Variants in CCT6B observed in about 807,000 individuals in gnomAD.
CCT6B encodes chaperonin containing TCP1 subunit 6B, also known as probable T-complex protein 1 subunit zeta-2.
CCT6B carries 49 observed loss-of-function variants against 61.5 expected under a neutral mutation model. The ratio of observed to expected loss-of-function variants is 0.80; its 90% CI spans 0.63 to 1.01. The LOEUF is 1.01. CCT6B is among the 50% of genes least tolerant of loss of function. The pLI is 0.00. For missense variants in CCT6B, 666 were observed against 634.7 expected, an observed-to-expected ratio of 1.05 and a Z score of -0.53; for synonymous variants, 228 against 214.5, an observed-to-expected ratio of 1.06 and a Z score of -0.55.
At chr17:34,955,316 A>G (rs1465743324) in intron 3 of CCT6B, among the ~76,000 whole-genome samples, 1 of 152,218 alleles carries the variant, frequency 6.6e-6, no homozygotes, top group Non-Finnish European at 1.5e-5. Context: ...TGCAGATTAG[A>G]TAACAGTAAT....
In CCT6B at chr17:34,958,707, A is replaced by G. The variant is rs2090376495; in HGVS notation, c.202-13T>C. 9 of 1,587,836 alleles carry G rather than the reference A, an allele frequency of 5.7e-6. No individual in the cohort carries two copies. Among genetic ancestry groups the G allele is most frequent in the Non-Finnish European group, 6.9e-6 (8 of 1,167,740 alleles). On this transcript the variant is annotated splice_polypyrimidine_tract_variant and intron_variant, in intron 2 of 13. Transcript: ENST00000314144. ...GATGTTGAATTTGCTGGAAAAAGCA[A>G]GCAACAGATTTAAAAAGACAGGATG...
At chr17:34,941,046 CA>C (rs1567666728) in intron 7 of CCT6B, among the ~76,000 whole-genome samples, 1 of 152,214 alleles carries the variant, frequency 6.6e-6, no homozygotes, top group East Asian at 1.9e-4. Context: ...TGGCCCCACA[CA>C]GATAAATATT....
At chr17:34,932,699 T>C (rs1055997862) in intron 10 of CCT6B, among the ~76,000 whole-genome samples, 199 bp from the exon 11 acceptor site, 8 of 152,234 alleles carry the variant, frequency 5.3e-5, no homozygotes, top group African/African-American at 1.9e-4. Flanking sequence ...ATAGTACAGA[T>C]AACTGGCTGC....
chr17:34,942,386 T>C, intron 7 of CCT6B, 98 bp downstream of exon 7: 1 of 890,600 alleles, frequency 1.1e-6, no homozygotes, highest in Non-Finnish European at 1.7e-6. Flanking sequence ...ACAGACTCTC[T>C]GAAAAAGTCT....
chr17:34,944,265 G>C (rs866443800), intron 5 of CCT6B: 23 of 151,986 alleles, frequency 1.5e-4, no homozygotes, highest in Non-Finnish European at 1.3e-4. Context: ...ACTTGCACTT[G>C]ACCCTGAACC....
chr17:34,959,606 T>A lies in CCT6B; in HGVS notation c.182A>T (p.Asn61Ile), dbSNP rs765264736. The A allele has an allele frequency of 1.2e-6, 2 of 1,613,132 alleles. No individual in the cohort carries two copies. The highest frequency in any genetic ancestry group is 1.7e-6 in the Non-Finnish European group (2 of 1,179,126). ...GCTCACCATCTCATCGAGCAGCACA[T>A]TGCCATCTTTGGTGAGTTTGATGTC... ...AGDIKLTKDG[N>I]VLLDEMQIQH... The change falls in exon 2 of 14, where the codon AAT becomes ATT. Residue 61 changes from asparagine (N) to isoleucine (I), a missense_variant. Coordinates refer to ENST00000314144, the MANE Select transcript of CCT6B (RefSeq NM_006584.4).
In CCT6B at chr17:34,940,565, G is replaced by A. The variant is rs1357085090; in HGVS notation, c.942C>T (p.Arg314=). The A allele has an allele frequency of 1.3e-6, 2 of 1,582,976 alleles. No homozygotes were observed. Among genetic ancestry groups the A allele is most frequent in the South Asian group, 2.3e-5 (2 of 87,124 alleles). Residue 314 remains arginine (R), a synonymous_variant, in exon 8 of 14, where the codon CGC becomes CGT. Transcript: ENST00000314144. ...SLAKHGIVAL[R]RAKRRNMERL... ...TTTCCATATTTCTTCTTTTTGCTCTGCGAAGAGCTACTATTCCATGTTTTG... is the reference window on the plus strand; with the variant it reads ...TTTCCATATTTCTTCTTTTTGCTCTACGAAGAGCTACTATTCCATGTTTTG...
intron 5 of CCT6B, among the ~76,000 whole-genome samples, chr17:34,947,959 G>A: frequency 6.7e-6 from 1 of 148,410 alleles, no homozygotes; most frequent in Admixed American, 6.7e-5. Context: ...CCTGGTGACA[G>A]AGTGACACTC....
chr17:34,961,122 C>T (rs571514135), intron 1 of CCT6B, 135 bp downstream of exon 1: 3 of 1,141,464 alleles, frequency 2.6e-6, no homozygotes, highest in East Asian at 2.7e-5. Context: ...AGAAATACCC[C>T]CAGAGCAGGG....
intron 3 of CCT6B, among the ~76,000 whole-genome samples, chr17:34,955,956 C>A (rs1311886256): frequency 1.3e-5 from 2 of 152,146 alleles, no homozygotes; most frequent in Non-Finnish European, 2.9e-5. Flanking sequence ...TAACCATTTT[C>A]AAAAATGTCT....
At chr17:34,940,989 C>T (rs1039419494) in intron 7 of CCT6B, among the ~76,000 whole-genome samples, 6 of 152,124 alleles carry the variant, frequency 3.9e-5, no homozygotes, top group Admixed American at 3.3e-4. Context: ...ATTCAGTATT[C>T]AATTTGGAAT....
intron 10 of CCT6B, among the ~76,000 whole-genome samples, chr17:34,937,686 A>G (rs1439927950): frequency 6.6e-6 from 1 of 152,144 alleles, no homozygotes; most frequent in Non-Finnish European, 1.5e-5. Flanking sequence ...AGCATAATCC[A>G]TGACAGAATA....
chr17:34,936,434 T>C (rs1266525044), intron 10 of CCT6B, among the ~76,000 whole-genome samples: 2 of 152,004 alleles, frequency 1.3e-5, no homozygotes, highest in African/African-American at 4.8e-5. Context: ...ATACTGGAGG[T>C]TCTGGCCCAT....
intron 10 of CCT6B, among the ~76,000 whole-genome samples, chr17:34,932,910 T>C (rs1457080991): frequency 4.6e-5 from 7 of 152,108 alleles, no homozygotes; most frequent in Non-Finnish European, 7.4e-5. Context: ...GCCTTCTAAG[T>C]AGCTGGAATT....
At position 34,928,110 on chromosome 17, in the gene CCT6B, T is replaced by C; in HGVS notation, c.1531A>G (p.Ile511Val). Residue 511 changes from isoleucine (I) to valine (V), a missense_variant, in exon 14 of 14, where the codon ATT becomes GTT. By Grantham distance (29) the Ile-to-Val change is conservative. Coordinates refer to ENST00000314144, the MANE Select transcript of CCT6B (RefSeq NM_006584.4). ...TCAACCAGGAGAATGTTGGTGGCAATCACTGTGCTAAGGAAAAAGATGAGA... is the reference window on the plus strand; with the variant it reads ...TCAACCAGGAGAATGTTGGTGGCAACCACTGTGCTAAGGAAAAAGATGAGA... The part of the protein sequence containing the change: ...KKQLLHSCTV[I>V]ATNILLVDEI... 1 of 1,611,144 alleles carries C rather than the reference T, an allele frequency of 6.2e-7. No individual in the cohort carries two copies. The highest frequency in any genetic ancestry group is 8.5e-7 in the Non-Finnish European group (1 of 1,178,254).
chr17:34,957,143 AT>A (rs57459236), intron 3 of CCT6B, among the ~76,000 whole-genome samples: 56,040 of 102,092 alleles, frequency 0.55, 13,858 homozygotes, highest in Non-Finnish European at 0.61. Flanking sequence ...TTTTCTTTCC[AT>A]TTTTTTTTTT....
At chr17:34,932,268 T>C in intron 11 of CCT6B, 99 bp downstream of exon 11, 1 of 1,062,990 alleles carries the variant, frequency 9.4e-7, no homozygotes. Context: ...TGCACATAAA[T>C]ACCTGTCTAC....
At chr17:34,956,400 C>T (rs1313743331) in intron 3 of CCT6B, among the ~76,000 whole-genome samples, 2 of 152,186 alleles carry the variant, frequency 1.3e-5, no homozygotes, top group African/African-American at 4.8e-5. Flanking sequence ...GAGAGTTCTT[C>T]CTGACTACTT....
In CCT6B at chr17:34,928,862, T is replaced by G. The variant is rs565646791; in HGVS notation, c.1523+100A>C. 43 of 639,998 alleles carry G rather than the reference T, an allele frequency of 6.7e-5. No homozygotes were observed. In the South Asian group the frequency reaches 8.1e-4, roughly 12 times the overall value. 39.6% of individuals were successfully genotyped at this position (639,998 alleles called of 1,614,324 possible). A position where few individuals can be genotyped will look rare whatever the true frequency, so the allele number is the denominator to read the frequency against. ...CCACACCTTTCATACACTTGACAAT[T>G]TTTCCACTGTACAGGGACAAAAATA... On this transcript the variant is annotated intron_variant, in intron 13 of 13. Coordinates refer to ENST00000314144, the MANE Select transcript of CCT6B (RefSeq NM_006584.4).
Sources: allele counts gnomAD v4.1 joint callset (sites outside exome capture counted in the v4.1 genomes callset), GRCh38; gene constraint gnomAD v4.1.1; transcripts MANE v1.5; gene names NCBI Gene and HGNC (gene_info 2026-07-23, HGNC 2026-07-21).